The following CPLX2 variants were observed in gnomAD, a reference collection of about 807,000 sequenced individuals.
CPLX2 encodes complexin 2, also known as complexin-2.
In CPLX2, 5 loss-of-function variants were observed where a neutral mutation model predicts 16.3. That is an observed-to-expected ratio of 0.31 (90% confidence interval 0.16 to 0.64). The LOEUF is 0.64. Among genes scored for constraint, CPLX2 ranks in the 30% least tolerant of loss-of-function variants. CPLX2 has a pLI of 0.79. For missense variants in CPLX2, 144 were observed against 181.4 expected (o/e 0.79, Z 1.18); for synonymous variants, 89 against 73.2 (o/e 1.22, Z -1.10).
chr5:175,879,165 C>T, intron 3 of CPLX2, 82 bp downstream of exon 3: 1 of 1,377,008 alleles, frequency 7.3e-7, no homozygotes, highest in South Asian at 1.4e-5. Flanking sequence ...CTGGGGCTCC[C>T]CTGGATCCCA....
chr5:175,869,899 T>G (rs1759552906), upstream of CPLX2, among the ~76,000 whole-genome samples: 1 of 152,204 alleles, frequency 6.6e-6, no homozygotes, highest in Non-Finnish European at 1.5e-5. Context: ...CAATACCAGT[T>G]GTGGAAAAAC....
At chr5:175,822,364 G>A (rs1490663007) in intron 2 of CPLX2, among the ~76,000 whole-genome samples, 1 of 152,148 alleles carries the variant, frequency 6.6e-6, no homozygotes, top group Non-Finnish European at 1.5e-5. Flanking sequence ...ACAGACCAGG[G>A]TCTCAGCCCA....
In CPLX2 at chr5:175,852,295, T is replaced by G. The variant is rs55928437; in HGVS notation, c.-88-26357T>G. On this transcript the variant is annotated intron_variant, in intron 2 of 4. Transcript: ENST00000359546. ...ACAGTAACTTGTTGAGGGGATTCTA[T>G]TATTCCCATTTTAACAATGAGCAAA... Among the ~76,000 whole-genome samples the G allele has an allele frequency of 7.9e-3, 1,199 of 152,386 alleles. 10 individuals carry two copies. The highest frequency in any genetic ancestry group is 0.014 in the Non-Finnish European group (950 of 68,042).
Position 175,830,175 on chromosome 5 carries a change from G to A in CPLX2, c.-89+21107G>A, listed in dbSNP as rs368522982. Among the ~76,000 whole-genome samples, 134 of 152,350 alleles carry A rather than the reference G, an allele frequency of 8.8e-4. 1 individual carries two copies. The highest frequency in any genetic ancestry group is 3.2e-3 in the African/African-American group (133 of 41,582). On this transcript the variant is annotated intron_variant, in intron 2 of 4. Coordinates refer to the CPLX2 transcript ENST00000359546. This position sits in a 1 kb window ranked among gnomAD's most constrained non-coding sequence, Gnocchi z 4.0. Reference sequence around the variant, plus strand: ...CACATGAAGGGCAGTGTGGGCAGAGGGACAGGCAGGGAGGGCACTGCCGCC... The same window carrying A: ...CACATGAAGGGCAGTGTGGGCAGAGAGACAGGCAGGGAGGGCACTGCCGCC...
intron 2 of CPLX2, among the ~76,000 whole-genome samples, chr5:175,810,311 G>A (rs1758290502): frequency 6.6e-6 from 1 of 152,226 alleles, no homozygotes; most frequent in Non-Finnish European, 1.5e-5. Context: ...GAGAGTCGGG[G>A]ACAGAGCTGG....
intron 2 of CPLX2, among the ~76,000 whole-genome samples, chr5:175,855,632 C>T (rs1379712166): frequency 9.2e-5 from 14 of 152,182 alleles, no homozygotes; most frequent in African/African-American, 3.1e-4. Context: ...GCTCTTTCCA[C>T]ACTGTGACCC....
At chr5:175,855,900 A>G (rs1297299451) in intron 2 of CPLX2, among the ~76,000 whole-genome samples, 2 of 151,970 alleles carry the variant, frequency 1.3e-5, no homozygotes, top group Non-Finnish European at 2.9e-5. Context: ...ATACGGAAGA[A>G]AGGCTACCAG....
At chr5:175,803,301 G>A (rs1758135218) in intron 1 of CPLX2, among the ~76,000 whole-genome samples, 1 of 152,210 alleles carries the variant, frequency 6.6e-6, no homozygotes, top group African/African-American at 2.4e-5. Context: ...GGAAGACGAA[G>A]ACAAGGACCA....
intron 2 of CPLX2, among the ~76,000 whole-genome samples, chr5:175,841,988 C>G (rs1380697992): frequency 6.6e-6 from 1 of 152,256 alleles, no homozygotes; most frequent in East Asian, 1.9e-4. Flanking sequence ...AGCAGACAGA[C>G]AGACACCATT....
chr5:175,863,889 AAAG>A (rs1357143562), intron 2 of CPLX2, among the ~76,000 whole-genome samples: 1 of 152,184 alleles, frequency 6.6e-6, no homozygotes, highest in Non-Finnish European at 1.5e-5. Context: ...AAAGGGGTAA[AAAG>A]AAGAAGAACC....
intron 2 of CPLX2, among the ~76,000 whole-genome samples, chr5:175,831,531 G>T (rs1158000585): frequency 6.6e-6 from 1 of 152,218 alleles, no homozygotes; most frequent in East Asian, 1.9e-4. Flanking sequence ...GAGGGGAAAA[G>T]TGTCTGATGC....
At chr5:175,818,039 C>A (rs1758440117) in intron 2 of CPLX2, among the ~76,000 whole-genome samples, 1 of 152,168 alleles carries the variant, frequency 6.6e-6, no homozygotes, top group South Asian at 2.1e-4. Flanking sequence ...TGGCCCCAGG[C>A]TGAGCATAAG....
In CPLX2 at chr5:175,849,074, T is replaced by C. The variant is rs1256952700; in HGVS notation, c.-88-29578T>C. Among the ~76,000 whole-genome samples, 1 of 152,220 alleles carries C rather than the reference T, an allele frequency of 6.6e-6. No individual in the cohort carries two copies. Among genetic ancestry groups the C allele is most frequent in the Non-Finnish European group, 1.5e-5 (1 of 68,040 alleles). On this transcript the variant is annotated intron_variant, in intron 2 of 4. Transcript: ENST00000359546. This position sits in a 1 kb window ranked among gnomAD's most constrained non-coding sequence, Gnocchi z 4.4. ...TTTCAAACAGAGGTGTGTCGTGATC[T>C]AACTTACACTTCTCAGGATCCCTCC...
rs543341482 is a variant in CPLX2, at chr5:175,877,818, AC to A, written c.-88-831del. On this transcript the variant is annotated intron_variant, in intron 1 of 3. Transcript: ENST00000393745. ...ATCCCATTAAGATTTTATTTGGAGA[AC>A]CCTTCTGAGGCAAAAACATAATAAA... Among the ~76,000 whole-genome samples the A allele has an allele frequency of 1.4e-4, 21 of 152,282 alleles. No individual in the cohort carries two copies. The East Asian group carries it at 3.9e-3, about 28-fold the overall frequency.
intron 1 of CPLX2, among the ~76,000 whole-genome samples, chr5:175,797,564 G>A (rs1758012734): frequency 6.6e-6 from 1 of 152,172 alleles, no homozygotes; most frequent in Non-Finnish European, 1.5e-5. Flanking sequence ...GAAGCCCGCG[G>A]CTGGCAGCTG....
At chr5:175,875,992 G>A (rs982885137) in intron 1 of CPLX2, among the ~76,000 whole-genome samples, 1 of 152,060 alleles carries the variant, frequency 6.6e-6, no homozygotes. Context: ...AGAGGTGGCC[G>A]GAGAAGGTGA....
At chr5:175,866,173 C>A (rs1354993763) in intron 2 of CPLX2, among the ~76,000 whole-genome samples, 7 of 152,200 alleles carry the variant, frequency 4.6e-5, no homozygotes, top group Admixed American at 4.6e-4. Flanking sequence ...AACTTTGATG[C>A]TACACTGATT....
rs2113631554 is a variant in CPLX2 at position 175,809,348 on chromosome 5, CT to C, written c.-89+281del. On this transcript the variant is annotated intron_variant, in intron 2 of 4. Transcript: ENST00000359546. The surrounding 1 kb of genome is among the most constrained non-coding windows in gnomAD (Gnocchi z 4.4). ...TTATCCCCAGTTACAGATGAGAAAACTGAAGCTCAGAGAGTGAAAGGACTTG... is the reference window on the plus strand; with the variant it reads ...TTATCCCCAGTTACAGATGAGAAAACGAAGCTCAGAGAGTGAAAGGACTTG... 1 of 152,338 alleles carries C rather than the reference CT, an allele frequency of 6.6e-6. No homozygotes were observed. Among genetic ancestry groups the C allele is most frequent in the Non-Finnish European group, 1.5e-5 (1 of 68,034 alleles). The allele number at this position is 152,338 out of a possible 1,614,324, so 9.4% of individuals were successfully genotyped here.
At chr5:175,796,778 C>T (rs1421271315) in exon 1 of CPLX2, 2 of 152,258 alleles carry the variant, frequency 1.3e-5, no homozygotes, top group Non-Finnish European at 1.5e-5. Flanking sequence ...GCTGCAGCCT[C>T]CAACAGGTTC....
Sources: gnomAD v4.1 joint callset for allele counts (sites outside exome capture counted in the v4.1 genomes callset) on GRCh38, gnomAD v4.1.1 for gene constraint, Gnocchi (gnomAD v3.1) non-coding constraint, MANE v1.5 for transcripts, NCBI Gene and HGNC (gene_info 2026-07-23, HGNC 2026-07-21) for gene names.